Variants in CNOT2 observed in about 807,000 individuals in gnomAD.
CNOT2 encodes the protein CC chemokine receptor 4-negative regulator of transcription 2.
In CNOT2, 7 loss-of-function variants were observed where a neutral mutation model predicts 72.1. The observed-to-expected ratio is 0.10, with a 90% confidence interval of 0.06 to 0.18. The LOEUF is 0.18. Among genes scored for constraint, CNOT2 ranks in the 10% least tolerant of loss-of-function variants. The pLI, the probability that CNOT2 is intolerant of heterozygous loss-of-function variation, is 1.00. For missense variants in CNOT2, 345 were observed against 660.3 expected (o/e 0.52, Z 5.23); for synonymous variants, 196 against 225.6 (o/e 0.87, Z 1.17).
intron 2 of CNOT2, among the ~76,000 whole-genome samples, chr12:70,296,654 GTTT>G (rs200096426): frequency 3.5e-5 from 5 of 143,216 alleles, no homozygotes; most frequent in Admixed American, 6.9e-5. Flanking sequence ...CACATGAAGA[GTTT>G]TTTTTTTTTT....
intron 15 of CNOT2, among the ~76,000 whole-genome samples, chr12:70,351,571 G>A (rs1212931908): frequency 1.3e-5 from 2 of 151,966 alleles, no homozygotes; most frequent in Non-Finnish European, 2.9e-5. Flanking sequence ...TATTTTTCTG[G>A]GGGAAAATGT....
intron 15 of CNOT2, among the ~76,000 whole-genome samples, chr12:70,348,632 A>AT (rs1882499114): frequency 1.3e-5 from 2 of 152,306 alleles, no homozygotes; most frequent in South Asian, 4.1e-4. Flanking sequence ...AAACAGCTAC[A>AT]TAATTTTAGT....
chr12:70,333,899 G>GT (rs1880307816), intron 7 of CNOT2, among the ~76,000 whole-genome samples: 1 of 151,918 alleles, frequency 6.6e-6, no homozygotes, highest in Admixed American at 6.6e-5. Context: ...TTTAATTGTA[G>GT]TTTTTTTCTA....
At chr12:70,292,058 T>G (rs1409045940) in intron 2 of CNOT2, among the ~76,000 whole-genome samples, 1 of 152,200 alleles carries the variant, frequency 6.6e-6, no homozygotes, top group Non-Finnish European at 1.5e-5. Flanking sequence ...CTCACAGTAC[T>G]CCAAAACATT....
rs934866900 is a variant in CNOT2 at position 70,354,214 on chromosome 12, A to G, written c.*299A>G. 1.7e-5 allele frequency: 6 copies of G among 349,388 alleles called. No individual in the cohort carries two copies. Among genetic ancestry groups the G allele is most frequent in the African/African-American group, 1.3e-4 (6 of 47,492 alleles). The allele number at this position is 349,388 out of a possible 1,614,324, so 21.6% of individuals were successfully genotyped here. On this transcript the variant is annotated 3_prime_UTR_variant, in exon 16 of 16. Transcript: ENST00000229195. ...TGAGTCTGTAAAGACAAGCAAATAC[A>G]CTGACAGAAGTTTACCATAGTTTCT...
intron 2 of CNOT2, among the ~76,000 whole-genome samples, chr12:70,302,083 T>A (rs1368782548): frequency 6.6e-6 from 1 of 152,232 alleles, no homozygotes; most frequent in African/African-American, 2.4e-5. Flanking sequence ...TGGCATTTTT[T>A]ATTGCATCTA....
At chr12:70,244,643 C>CT in intron 1 of CNOT2, among the ~76,000 whole-genome samples, 1 of 152,178 alleles carries the variant, frequency 6.6e-6, no homozygotes, top group East Asian at 1.9e-4. Flanking sequence ...ATCCGGAAGA[C>CT]TGAGTGCAAC....
At chr12:70,337,969 A>G (rs1236905633) in intron 9 of CNOT2, 3 of 251,890 alleles carry the variant, frequency 1.2e-5, no homozygotes, top group Admixed American at 1.1e-4. Flanking sequence ...GGGAGTTTAT[A>G]TATTATTAAA....
At chr12:70,321,197 A>C (rs1878241269) in intron 4 of CNOT2, among the ~76,000 whole-genome samples, 1 of 151,134 alleles carries the variant, frequency 6.6e-6, no homozygotes, top group Non-Finnish European at 1.5e-5. Flanking sequence ...TTTAAGTGTT[A>C]GATAGAGTAC....
intron 7 of CNOT2, chr12:70,335,232 G>A (rs969044112): frequency 9.4e-6 from 4 of 427,026 alleles, no homozygotes; most frequent in South Asian, 7.4e-5. Flanking sequence ...TGCTGGTTGC[G>A]TATTCCTTTG....
chr12:70,291,931 C>T (rs566182150), intron 2 of CNOT2, among the ~76,000 whole-genome samples: 6 of 152,094 alleles, frequency 3.9e-5, no homozygotes, highest in South Asian at 2.1e-4. Context: ...AGTGAGACTC[C>T]GTCTCAAAAA....
intron 15 of CNOT2, 100 bp downstream of exon 15, chr12:70,346,424 T>C (rs1882178491): frequency 3.3e-6 from 3 of 914,162 alleles, no homozygotes; most frequent in Non-Finnish European, 5.0e-6. Context: ...GTTCCAGTAA[T>C]GTGCCACATA....
intron 3 of CNOT2, among the ~76,000 whole-genome samples, chr12:70,316,336 C>G (rs1392698813): frequency 6.6e-6 from 1 of 152,086 alleles, no homozygotes; most frequent in Admixed American, 6.6e-5. Flanking sequence ...ACTTACTGTT[C>G]TGTCAGAGTA....
intron 2 of CNOT2, chr12:70,301,784 C>G (rs565158474): frequency 6.6e-6 from 1 of 152,182 alleles, no homozygotes; most frequent in East Asian, 1.9e-4. Flanking sequence ...GGAATAGTTT[C>G]AGAAGGAATG....
At chr12:70,342,420 A>G in intron 13 of CNOT2, 113 bp downstream of exon 13, 2 of 1,157,142 alleles carry the variant, frequency 1.7e-6, no homozygotes, top group Non-Finnish European at 2.5e-6. Context: ...TCTCAGGGAT[A>G]TGCTTTCATA....
intron 2 of CNOT2, among the ~76,000 whole-genome samples, chr12:70,288,032 T>C (rs987875945): frequency 2.7e-5 from 4 of 149,898 alleles, no homozygotes; most frequent in Non-Finnish European, 5.9e-5. Flanking sequence ...GCTATAAATT[T>C]TCAGAGCATT....
At chr12:70,346,602 A>C in intron 15 of CNOT2, 2 of 243,292 alleles carry the variant, frequency 8.2e-6, no homozygotes, top group African/African-American at 4.5e-5. Context: ...GCTTTGTAAA[A>C]TAAAGATACT....
chr12:70,263,645 C>G (rs538728130), intron 1 of CNOT2, among the ~76,000 whole-genome samples: 1 of 152,084 alleles, frequency 6.6e-6, no homozygotes, highest in African/African-American at 2.4e-5. Context: ...ATATTTTTAA[C>G]GACTGCTTTG....
At chr12:70,267,085 A>G (rs560417667) in intron 1 of CNOT2, among the ~76,000 whole-genome samples, 195 of 151,728 alleles carry the variant, frequency 1.3e-3, no homozygotes, top group African/African-American at 4.5e-3. Context: ...ATTTTTTTTT[A>G]GAGATTACTT....
Sources: allele counts gnomAD v4.1 joint callset (sites outside exome capture counted in the v4.1 genomes callset), GRCh38; gene constraint gnomAD v4.1.1; transcripts MANE v1.5; gene names NCBI Gene and HGNC (gene_info 2026-07-23, HGNC 2026-07-21).